Variants in SLC29A3 observed in about 807,000 individuals in gnomAD.
The protein encoded by SLC29A3 is equilibrative nucleoside transporter 3.
Under a neutral mutation model 25.4 loss-of-function variants are expected in SLC29A3, and 18 were observed. That is an observed-to-expected ratio of 0.71 (90% CI 0.49 to 1.05). SLC29A3 has a LOEUF of 1.05. SLC29A3 is among the 50% of genes least tolerant of loss of function. The pLI, the probability that SLC29A3 is intolerant of heterozygous loss-of-function variation, is 0.00. For synonymous variants in SLC29A3, 258 were observed against 267.1 expected (o/e 0.97, Z 0.33); for missense variants, 586 against 609.0 (o/e 0.96, Z 0.40).
chr10:71,337,514 G>C (rs948632753), intron 2 of SLC29A3, among the ~76,000 whole-genome samples: 1 of 152,202 alleles, frequency 6.6e-6, no homozygotes, highest in Non-Finnish European at 1.5e-5. Context: ...GGCTTGAATC[G>C]CTTTTCCTCG....
chr10:71,343,627 T>C lies in SLC29A3; in HGVS notation c.301-582T>C, dbSNP rs145726082. Among the ~76,000 whole-genome samples the C allele has an allele frequency of 8.2e-3, 1,252 of 152,238 alleles. 8 individuals are homozygous for C. The highest frequency in any genetic ancestry group is 0.012 in the Non-Finnish European group (816 of 68,002). On this transcript the variant is annotated intron_variant, in intron 2 of 5. Transcript: ENST00000373189. ...CTTGTATATCTAAGAGGTCACTTTG[T>C]GGCAAGAAAGCGAGAATGTGGTTGG...
chr10:71,329,055 T>C (rs921244689), intron 2 of SLC29A3, among the ~76,000 whole-genome samples: 1 of 152,234 alleles, frequency 6.6e-6, no homozygotes, highest in Non-Finnish European at 1.5e-5. Flanking sequence ...GTCCCTGCCA[T>C]GCAGCCTGTA....
At chr10:71,355,605 G>A (rs749334803) in intron 4 of SLC29A3, among the ~76,000 whole-genome samples, 1 of 152,150 alleles carries the variant, frequency 6.6e-6, no homozygotes, top group African/African-American at 2.4e-5. Context: ...GGCAGCAGGG[G>A]ACCCTATGTG....
intron 2 of SLC29A3, among the ~76,000 whole-genome samples, chr10:71,325,688 A>G (rs1845948639): frequency 6.6e-6 from 1 of 152,158 alleles, no homozygotes; most frequent in Admixed American, 6.5e-5. Context: ...AACGCCGCAG[A>G]GTAGTTTACA....
intron 1 of SLC29A3, 160 bp downstream of exon 1, chr10:71,319,470 T>TC (rs1250022957): frequency 6.7e-6 from 3 of 448,176 alleles, no homozygotes; most frequent in Non-Finnish European, 1.2e-5. Flanking sequence ...GTCCCTCCTC[T>TC]CTCTCCTTGC....
chr10:71,378,410 C>A lies in SLC29A3; in HGVS notation c.*212-1356C>A, dbSNP rs572988268. ...AATAGGGCTTTTCTGGCCATAGGAG[C>A]GATTTTAGCCTGAGTCAACTTGAGT... On this transcript the variant is annotated intron_variant and NMD_transcript_variant, in intron 4 of 4. Transcript: ENST00000642772. Among the ~76,000 whole-genome samples, 64 of 152,214 alleles carry A rather than the reference C, an allele frequency of 4.2e-4. 2 individuals carry two copies. The South Asian group carries it at 0.013, about 32-fold the overall frequency.
At chr10:71,376,486 C>T (rs1373335625) in intron 4 of SLC29A3, among the ~76,000 whole-genome samples, 2 of 152,164 alleles carry the variant, frequency 1.3e-5, no homozygotes, top group South Asian at 2.1e-4. Context: ...TATTATACCT[C>T]TTAGATTTCA....
intron 2 of SLC29A3, among the ~76,000 whole-genome samples, chr10:71,323,775 T>G (rs1263229156): frequency 6.6e-6 from 1 of 151,904 alleles, no homozygotes; most frequent in East Asian, 1.9e-4. Flanking sequence ...GACTTGGGAG[T>G]TGGTGGGTTT....
At chr10:71,341,200 T>A (rs569975722) in intron 2 of SLC29A3, among the ~76,000 whole-genome samples, 1 of 151,922 alleles carries the variant, frequency 6.6e-6, no homozygotes, top group East Asian at 1.9e-4. Context: ...GGGCGTGGGG[T>A]CTCTCTGTGG....
At chr10:71,366,740 A>G (rs376221277), downstream of SLC29A3, among the ~76,000 whole-genome samples, 1 of 152,202 alleles carries the variant, frequency 6.6e-6, no homozygotes, top group Non-Finnish European at 1.5e-5. Flanking sequence ...TTTTATAGAG[A>G]ACTCCACGTA....
In SLC29A3 at chr10:71,322,999, T is replaced by G. The variant is rs537264416; in HGVS notation, c.245T>G (p.Leu82Arg). 6.2e-7 allele frequency: 1 copy of G among 1,613,974 alleles called. No homozygotes were observed. Residue 82 changes from leucine (L) to arginine (R), a missense_variant, in exon 2 of 6, where the codon CTC becomes CGC. By Grantham distance (102) the Leu-to-Arg change is moderately radical. Transcript: ENST00000373189. ...ITAKEYWMFKLRNSSSPATGE... is the reference protein window; with the variant it reads ...ITAKEYWMFKRRNSSSPATGE... Reference sequence around the variant, plus strand: ...GCCAAGGAGTACTGGATGTTCAAACTCCGCAACTCCTCCAGCCCAGCCACC... The same window carrying G: ...GCCAAGGAGTACTGGATGTTCAAACGCCGCAACTCCTCCAGCCCAGCCACC...
Position 71,322,787 on chromosome 10 carries a change from C to T in SLC29A3, c.33C>T (p.His11=), listed in dbSNP as rs759638163. Residue 11 remains histidine (H), a synonymous_variant, in exon 2 of 6, where the codon CAC becomes CAT. Transcript: ENST00000373189. ...TTGTCTCAGAGGACGACTTTCAGCA[C>T]AGTTCAAACTCCACCTACAGAACCA... MAVVSEDDFQ[H]SSNSTYRTTS... 1 of 1,614,172 alleles carries T rather than the reference C, an allele frequency of 6.2e-7. No homozygotes were observed. The highest frequency in any genetic ancestry group is 2.2e-5 in the East Asian group (1 of 44,884).
At chr10:71,359,712 G>C (rs1312149265) in intron 5 of SLC29A3, among the ~76,000 whole-genome samples, 1 of 152,176 alleles carries the variant, frequency 6.6e-6, no homozygotes, top group African/African-American at 2.4e-5. Context: ...CCATTTTACA[G>C]AGGAGGAAGC....
intron 2 of SLC29A3, among the ~76,000 whole-genome samples, chr10:71,338,337 T>C (rs1384230108): frequency 6.6e-6 from 1 of 152,232 alleles, no homozygotes; most frequent in Non-Finnish European, 1.5e-5. Flanking sequence ...TTTTCTTTTC[T>C]TTTTAAAACT....
intron 2 of SLC29A3, among the ~76,000 whole-genome samples, chr10:71,325,771 C>A (rs1378001611): frequency 1.3e-5 from 2 of 152,262 alleles, no homozygotes; most frequent in East Asian, 3.9e-4. Context: ...AGTCTCCCAC[C>A]CACTCGAGGC....
chr10:71,366,559 A>T (rs1034842913), downstream of SLC29A3, among the ~76,000 whole-genome samples: 1 of 152,154 alleles, frequency 6.6e-6, no homozygotes, highest in Non-Finnish European at 1.5e-5. Context: ...TTCTGAGAAC[A>T]TGCTTATTCC....
chr10:71,335,841 G>A (rs1846235786), intron 2 of SLC29A3, among the ~76,000 whole-genome samples: 1 of 152,014 alleles, frequency 6.6e-6, no homozygotes, highest in African/African-American at 2.4e-5. Flanking sequence ...GGGGAGGTGA[G>A]CTTCTCCTAC....
Position 71,342,842 on chromosome 10 carries a change from C to T in SLC29A3, c.301-1367C>T, listed in dbSNP as rs147746008. 3.0e-4 allele frequency among the ~76,000 whole-genome samples: 46 copies of T among 152,320 alleles called. No homozygotes were observed. In the East Asian group the frequency reaches 7.1e-3, roughly 24 times the overall value. ...CATGGTTGACGGACCTCACTAGCTG[C>T]GATTATCATTTTAATTGCAAGGCCA... On this transcript the variant is annotated intron_variant, in intron 2 of 5. Transcript: ENST00000373189.
intron 3 of SLC29A3, among the ~76,000 whole-genome samples, chr10:71,350,086 G>A (rs12261581): frequency 2.8e-4 from 42 of 152,144 alleles, no homozygotes; most frequent in African/African-American, 1.0e-3. Context: ...TGAGTGATGG[G>A]CTGGGGCTCA....
Sources: gnomAD v4.1 joint callset for allele counts (sites outside exome capture counted in the v4.1 genomes callset) on GRCh38, gnomAD v4.1.1 for gene constraint, MANE v1.5 for transcripts, NCBI Gene and HGNC (gene_info 2026-07-23, HGNC 2026-07-21) for gene names.